Variants in UNC13C observed in about 807,000 individuals in gnomAD.
UNC13C encodes protein unc-13 homolog C.
UNC13C carries 174 observed loss-of-function variants against 245.4 expected under a neutral mutation model. The ratio of observed to expected loss-of-function variants is 0.71; its 90% CI spans 0.63 to 0.80. UNC13C has a LOEUF of 0.80. Ranked by LOEUF, UNC13C falls within the 30% of genes least tolerant of loss-of-function variation. The pLI, the probability that UNC13C is intolerant of heterozygous loss-of-function variation, is 0.00. For missense variants in UNC13C, 2,829 were observed against 2,602.9 expected, an observed-to-expected ratio of 1.09 and a Z score of -1.89; for synonymous variants, 992 against 895.1, an observed-to-expected ratio of 1.11 and a Z score of -1.93.
At chr15:54,622,472 T>A in intron 31 of UNC13C, 53 bp downstream of exon 31, 1 of 1,285,764 alleles carries the variant, frequency 7.8e-7, no homozygotes, top group Non-Finnish European at 1.1e-6. Flanking sequence ...TCTGCAGCAG[T>A]ACTGATATCA....
the UNC13C span, among the ~76,000 whole-genome samples, chr15:53,920,750 A>G: frequency 6.6e-6 from 1 of 151,496 alleles, no homozygotes; most frequent in Non-Finnish European, 1.5e-5. Context: ...CTCAAAAAAC[A>G]TTAACTTAGT....
At chr15:54,329,836 A>G (rs2038393347) in intron 14 of UNC13C, among the ~76,000 whole-genome samples, 1 of 152,040 alleles carries the variant, frequency 6.6e-6, no homozygotes, top group African/African-American at 2.4e-5. Flanking sequence ...TAGGGAAACC[A>G]AATGTGTGAA....
chr15:53,915,797 A>G, the UNC13C span, among the ~76,000 whole-genome samples: 1 of 152,216 alleles, frequency 6.6e-6, no homozygotes, highest in Non-Finnish European at 1.5e-5. Context: ...AGATGACTCA[A>G]TAAGTGGAGA....
At chr15:54,570,011 C>T in intron 30 of UNC13C, among the ~76,000 whole-genome samples, 1 of 152,066 alleles carries the variant, frequency 6.6e-6, no homozygotes. Context: ...CTTACTCCTC[C>T]TTCCCCATCC....
intron 32 of UNC13C, among the ~76,000 whole-genome samples, chr15:54,626,098 T>A (rs145316161): frequency 2.1e-4 from 32 of 152,114 alleles, no homozygotes; most frequent in African/African-American, 7.2e-4. Flanking sequence ...CATTAGAAAA[T>A]CAAGAATATG....
intron 19 of UNC13C, among the ~76,000 whole-genome samples, chr15:54,460,677 T>C (rs1230868495): frequency 6.6e-6 from 1 of 152,242 alleles, no homozygotes; most frequent in Non-Finnish European, 1.5e-5. Flanking sequence ...GTCTTCACAG[T>C]TTTCCAGTTG....
intron 29 of UNC13C, among the ~76,000 whole-genome samples, chr15:54,558,431 G>C (rs116344549): frequency 6.6e-6 from 1 of 151,956 alleles, no homozygotes; most frequent in African/African-American, 2.4e-5. Context: ...TATGTACGAA[G>C]TTTAAGTAAA....
At chr15:54,280,854 A>G (rs1250201011) in intron 10 of UNC13C, among the ~76,000 whole-genome samples, 4 of 151,442 alleles carry the variant, frequency 2.6e-5, no homozygotes, top group East Asian at 1.9e-4. Context: ...CTAGAGCACA[A>G]TGGCGCAATC....
chr15:54,223,543 G>GT lies in UNC13C; in HGVS notation c.3072-11480dup, dbSNP rs1345131549. 5.9e-5 allele frequency among the ~76,000 whole-genome samples: 9 copies of GT among 151,328 alleles called. No homozygotes were observed. The East Asian group carries it at 1.4e-3, about 23-fold the overall frequency. ...GATAAGGTGATTCTTTAAGTTTTGT[G>GT]TTTTTTTGTTGTTTGTATGTTTTGT... On this transcript the variant is annotated intron_variant, in intron 4 of 32. Coordinates refer to ENST00000260323, the MANE Select transcript of UNC13C (RefSeq NM_001080534.3).
chr15:54,334,139 A>T (rs756916628), intron 16 of UNC13C, among the ~76,000 whole-genome samples: 1 of 152,122 alleles, frequency 6.6e-6, no homozygotes, highest in African/African-American at 2.4e-5. Context: ...CACTTAAAAA[A>T]TTTCCAAAGA....
rs139276114 is a variant in UNC13C at position 54,425,092 on chromosome 15, AT to A, written c.4933+10026del. On this transcript the variant is annotated intron_variant, in intron 19 of 32. Transcript: ENST00000260323. ...CTGGCCTACCAGGGACCACTTCAGC[AT>A]GTGAAAGAGTATGAGTGACATTAGG... 6.4e-3 allele frequency among the ~76,000 whole-genome samples: 973 copies of A among 151,988 alleles called. 10 individuals are homozygous for A. The highest frequency in any genetic ancestry group is 0.022 in the African/African-American group (926 of 41,516).
intron 26 of UNC13C, among the ~76,000 whole-genome samples, chr15:54,539,482 C>A (rs1206400809): frequency 1.3e-5 from 2 of 151,926 alleles, no homozygotes; most frequent in Non-Finnish European, 2.9e-5. Flanking sequence ...TCTATACATT[C>A]TCTGGACATT....
chr15:54,089,070 C>T (rs944284892), intron 2 of UNC13C, among the ~76,000 whole-genome samples: 1 of 152,158 alleles, frequency 6.6e-6, no homozygotes, highest in African/African-American at 2.4e-5. Flanking sequence ...CCTTTTCCAC[C>T]CTTCTCCTGT....
chr15:54,329,452 C>T (rs752818996), intron 14 of UNC13C, among the ~76,000 whole-genome samples: 33 of 151,986 alleles, frequency 2.2e-4, no homozygotes, highest in Admixed American at 4.6e-4. Context: ...CCCTGCTAGA[C>T]ATATGTGGCC....
the UNC13C span, among the ~76,000 whole-genome samples, chr15:53,954,204 A>G: frequency 1.1e-4 from 16 of 152,184 alleles, no homozygotes; most frequent in Admixed American, 4.6e-4. Flanking sequence ...TCATCAGCTT[A>G]TTGTTTTCCT....
chr15:54,245,295 A>T (rs1243831962), intron 7 of UNC13C, among the ~76,000 whole-genome samples: 2 of 152,194 alleles, frequency 1.3e-5, no homozygotes, highest in Non-Finnish European at 2.9e-5. Context: ...TCTGTGTCAT[A>T]ACAAAGGGCT....
intron 17 of UNC13C, among the ~76,000 whole-genome samples, chr15:54,390,532 A>G (rs1195983519): frequency 6.6e-6 from 1 of 152,102 alleles, no homozygotes; most frequent in Non-Finnish European, 1.5e-5. Context: ...TATAATAATT[A>G]CTATAATTAT....
chr15:54,333,965 C>G lies in UNC13C; in HGVS notation c.4584+109C>G, dbSNP rs569500900. ...TGATCAAGTACTGTGTTAACTCCAT[C>G]GATTAAGCTGTACTATCTTTGCCTG... On this transcript the variant is annotated intron_variant, in intron 16 of 32. Transcript: ENST00000260323. 31 of 727,124 alleles carry G rather than the reference C, an allele frequency of 4.3e-5. 1 individual carries two copies. In the South Asian group the frequency reaches 5.3e-4, roughly 12 times the overall value. The allele number at this position is 727,124 out of a possible 1,614,324, so 45.0% of individuals were successfully genotyped here. A position where few individuals can be genotyped will look rare whatever the true frequency, so the allele number is the denominator to read the frequency against.
chr15:53,855,058 T>C, the UNC13C span, among the ~76,000 whole-genome samples: 5 of 152,276 alleles, frequency 3.3e-5, no homozygotes, highest in South Asian at 1.0e-3. Flanking sequence ...TTTGTAGCAA[T>C]TGTGAATGGG....
Sources: gnomAD v4.1 joint callset for allele counts (sites outside exome capture counted in the v4.1 genomes callset) on GRCh38, gnomAD v4.1.1 for gene constraint, MANE v1.5 for transcripts, NCBI Gene and HGNC (gene_info 2026-07-23, HGNC 2026-07-21) for gene names.